ACAP2: variants seen among roughly 807,000 people sequenced by gnomAD.
ACAP2 encodes arf-GAP with coiled-coil, ANK repeat and PH domain-containing protein 2.
ACAP2 carries 39 observed loss-of-function variants against 115.8 expected under a neutral mutation model. The ratio of observed to expected loss-of-function variants is 0.34; its 90% CI spans 0.26 to 0.44. ACAP2 has a LOEUF of 0.44. Ranked by LOEUF, ACAP2 falls within the 20% of genes least tolerant of loss-of-function variation. ACAP2 has a pLI of 1.00. For missense variants in ACAP2, 662 were observed against 927.6 expected (o/e 0.71, Z 3.72); for synonymous variants, 289 against 315.8 (o/e 0.92, Z 0.90).
At chr3:195,280,135 T>C (rs992020463) in intron 22 of ACAP2, among the ~76,000 whole-genome samples, 3 of 151,736 alleles carry the variant, frequency 2.0e-5, no homozygotes, top group African/African-American at 4.8e-5. Context: ...CTGGGCAACA[T>C]AGCGAGACTA....
chr3:195,431,766 C>G (rs1183148063), intron 1 of ACAP2, among the ~76,000 whole-genome samples: 1 of 151,856 alleles, frequency 6.6e-6, no homozygotes, highest in African/African-American at 2.4e-5. Context: ...AACTTCTTAT[C>G]TTAGGAACTC....
chr3:195,401,470 G>C (rs879700431), intron 1 of ACAP2, among the ~76,000 whole-genome samples: 3 of 152,100 alleles, frequency 2.0e-5, no homozygotes, highest in Admixed American at 6.5e-5. Context: ...TTTGAGACCA[G>C]TCTGACCAAC....
intron 1 of ACAP2, among the ~76,000 whole-genome samples, chr3:195,416,764 T>C (rs1713765508): frequency 6.6e-6 from 1 of 152,158 alleles, no homozygotes; most frequent in South Asian, 2.1e-4. Flanking sequence ...AAGGAATGTG[T>C]CAATTTGGTT....
Position 195,317,547 on chromosome 3 carries a change from G to A in ACAP2, c.857+3154C>T, listed in dbSNP as rs112887499. ...AAAAGATAATCACTGATACCCAGAA[G>A]AATGATCCTGCGACAACCAATCTTT... On this transcript the variant is annotated intron_variant, in intron 10 of 22. Transcript: ENST00000326793. 5.3e-4 allele frequency among the ~76,000 whole-genome samples: 80 copies of A among 152,242 alleles called. No homozygotes were observed. In the Middle Eastern group the frequency reaches 0.017, roughly 32 times the overall value.
intron 10 of ACAP2, among the ~76,000 whole-genome samples, chr3:195,319,375 GA>G (rs1017498546): frequency 6.6e-6 from 1 of 152,206 alleles, no homozygotes; most frequent in African/African-American, 2.4e-5. Context: ...CCAGACCCCA[GA>G]AGGGTAGATC....
chr3:195,396,084 C>T (rs1358730146), intron 1 of ACAP2, among the ~76,000 whole-genome samples: 1 of 151,828 alleles, frequency 6.6e-6, no homozygotes, highest in Non-Finnish European at 1.5e-5. Flanking sequence ...AACCCCTTCT[C>T]TAATAAAAAT....
chr3:195,367,960 G>C (rs1005908414), intron 4 of ACAP2, among the ~76,000 whole-genome samples: 2 of 152,298 alleles, frequency 1.3e-5, no homozygotes, highest in African/African-American at 4.8e-5. Flanking sequence ...AAGTCACAAA[G>C]TTTTGGGGCA....
intron 2 of ACAP2, 51 bp downstream of exon 2, chr3:195,392,039 T>C (rs775619773): frequency 3.4e-6 from 5 of 1,471,948 alleles, no homozygotes; most frequent in Non-Finnish European, 4.7e-6. Flanking sequence ...CTAATCATTA[T>C]TTACAGCAAA....
intron 4 of ACAP2, among the ~76,000 whole-genome samples, chr3:195,348,278 T>C (rs1370584914): frequency 2.0e-5 from 3 of 151,238 alleles, no homozygotes; most frequent in Non-Finnish European, 4.4e-5. Context: ...CAGAAAGAAA[T>C]GGCACACATA....
intron 10 of ACAP2, among the ~76,000 whole-genome samples, chr3:195,310,123 T>TAGACATTC (rs972594066): frequency 6.6e-6 from 1 of 152,026 alleles, no homozygotes; most frequent in Non-Finnish European, 1.5e-5. Flanking sequence ...AAATTGTATT[T>TAGACATTC]AGAATTTCTA....
At chr3:195,293,596 C>T (rs1035567010) in intron 18 of ACAP2, among the ~76,000 whole-genome samples, 2 of 152,224 alleles carry the variant, frequency 1.3e-5, no homozygotes, top group African/African-American at 4.8e-5. Context: ...AATCCCAGCA[C>T]TTTCGGAGGC....
intron 10 of ACAP2, among the ~76,000 whole-genome samples, chr3:195,314,197 TTG>T (rs201648168): frequency 0.028 from 3,441 of 125,052 alleles, 110 homozygotes; most frequent in East Asian, 0.24. Context: ...GAAAATTTTG[TTG>T]TTTTTTTTTT....
chr3:195,385,336 G>C (rs1734228323), intron 2 of ACAP2, among the ~76,000 whole-genome samples: 1 of 148,822 alleles, frequency 6.7e-6, no homozygotes, highest in Non-Finnish European at 1.5e-5. Flanking sequence ...AGAGGGAGAG[G>C]TTTTCCTATT....
At chr3:195,413,495 T>A (rs748613394) in intron 1 of ACAP2, among the ~76,000 whole-genome samples, 1 of 152,126 alleles carries the variant, frequency 6.6e-6, no homozygotes, top group South Asian at 2.1e-4. Flanking sequence ...ATGACTATAA[T>A]GACAGCACTT....
intron 1 of ACAP2, among the ~76,000 whole-genome samples, chr3:195,440,659 A>AT (rs1715922826): frequency 6.6e-6 from 1 of 152,240 alleles, no homozygotes; most frequent in Non-Finnish European, 1.5e-5. Flanking sequence ...TCAAAAGTAA[A>AT]GCTCTTCTTA....
intron 4 of ACAP2, among the ~76,000 whole-genome samples, chr3:195,374,443 A>G (rs1025473494): frequency 6.6e-6 from 1 of 152,348 alleles, no homozygotes; most frequent in South Asian, 2.1e-4. Context: ...TGTGTCAATC[A>G]GAGAAAAAGA....
At chr3:195,415,247 AT>A (rs924303779) in intron 1 of ACAP2, among the ~76,000 whole-genome samples, 6 of 150,926 alleles carry the variant, frequency 4.0e-5, no homozygotes, top group Non-Finnish European at 5.9e-5. Flanking sequence ...TTTCTGCTCA[AT>A]TTTGCTGTGA....
intron 9 of ACAP2, among the ~76,000 whole-genome samples, chr3:195,321,912 G>A (rs754265156): frequency 1.3e-4 from 19 of 151,998 alleles, no homozygotes; most frequent in Non-Finnish European, 1.2e-4. Flanking sequence ...TGAGCCCAGG[G>A]GTGGTAGTCC....
At chr3:195,371,024 T>C (rs1733100335) in intron 4 of ACAP2, among the ~76,000 whole-genome samples, 1 of 152,132 alleles carries the variant, frequency 6.6e-6, no homozygotes, top group Non-Finnish European at 1.5e-5. Flanking sequence ...TCTTTTTGCT[T>C]AGGATTACTT....
Sources: gnomAD v4.1 joint callset for allele counts (sites outside exome capture counted in the v4.1 genomes callset) on GRCh38, gnomAD v4.1.1 for gene constraint, MANE v1.5 for transcripts, NCBI Gene and HGNC (gene_info 2026-07-23, HGNC 2026-07-21) for gene names.